Variants in CERS6 observed in about 807,000 individuals in gnomAD.
The protein encoded by CERS6 is LAG1 homolog, ceramide synthase 6.
Under a neutral mutation model 56.8 loss-of-function variants are expected in CERS6, and 26 were observed. The ratio of observed to expected loss-of-function variants is 0.46; its 90% CI spans 0.34 to 0.63. CERS6 has a LOEUF of 0.63. Ranked by LOEUF, CERS6 falls within the 30% of genes least tolerant of loss-of-function variation. The probability of loss-of-function intolerance (pLI) is 0.01; values close to 1 mark genes in which losing one functional copy is unlikely to be tolerated. For synonymous variants in CERS6, 164 were observed against 173.3 expected (o/e 0.95, Z 0.42); for missense variants, 415 against 467.5 (o/e 0.89, Z 1.04).
intron 4 of CERS6, among the ~76,000 whole-genome samples, chr2:168,648,063 T>G (rs1304686826): frequency 6.6e-6 from 1 of 152,134 alleles, no homozygotes; most frequent in Non-Finnish European, 1.5e-5. Context: ...CTCCTCGATT[T>G]TTTGGTATAG....
rs553410990 is a variant in CERS6, at chr2:168,677,052, G to A, written c.466-13982G>A. Among the ~76,000 whole-genome samples, 448 of 149,118 alleles carry A rather than the reference G, an allele frequency of 3.0e-3. 1 individual carries two copies. The highest frequency in any genetic ancestry group is 4.9e-3 in the Non-Finnish European group (330 of 67,516). On this transcript the variant is annotated intron_variant, in intron 4 of 9. Transcript: ENST00000305747. ...TTTTTAATTATACTTTAAGTTCTGG[G>A]ATACATGTGCAGAATGTGCAGGTTC...
intron 1 of CERS6, among the ~76,000 whole-genome samples, chr2:168,466,335 C>T (rs898122319): frequency 1.3e-5 from 2 of 152,126 alleles, no homozygotes; most frequent in African/African-American, 4.8e-5. Context: ...GTACACAATC[C>T]ATTTAAAGCA....
At chr2:168,577,702 G>T (rs750415072) in intron 3 of CERS6, among the ~76,000 whole-genome samples, 9 of 152,138 alleles carry the variant, frequency 5.9e-5, no homozygotes, top group Non-Finnish European at 8.8e-5. Context: ...GTCCAGACAG[G>T]GGCATAGGGA....
At chr2:168,672,985 A>T (rs962344670) in intron 4 of CERS6, among the ~76,000 whole-genome samples, 3 of 152,228 alleles carry the variant, frequency 2.0e-5, no homozygotes, top group Non-Finnish European at 4.4e-5. Context: ...AAATCAGGAG[A>T]TAAACAATAA....
intron 8 of CERS6, among the ~76,000 whole-genome samples, chr2:168,732,679 C>A (rs1683578353): frequency 6.6e-6 from 1 of 152,182 alleles, no homozygotes; most frequent in Non-Finnish European, 1.5e-5. Flanking sequence ...AGGGGACTGG[C>A]CTTTGGGCAA....
In CERS6 at chr2:168,613,696, G is replaced by C. The variant is rs149083213; in HGVS notation, c.408-17289G>C. ...AGTGTTTCCTGCTTGGCAACCTCATGATCTCATGTTCACCCATTGTTTCAT... is the reference window on the plus strand; with the variant it reads ...AGTGTTTCCTGCTTGGCAACCTCATCATCTCATGTTCACCCATTGTTTCAT... On this transcript the variant is annotated intron_variant, in intron 3 of 9. Transcript: ENST00000305747. 4.6e-5 allele frequency among the ~76,000 whole-genome samples: 7 copies of C among 152,254 alleles called. No individual in the cohort carries two copies. The East Asian group carries it at 1.4e-3, about 29-fold the overall frequency.
chr2:168,679,824 T>C (rs1185839393), intron 4 of CERS6, among the ~76,000 whole-genome samples: 4 of 152,196 alleles, frequency 2.6e-5, no homozygotes, highest in Non-Finnish European at 5.9e-5. Flanking sequence ...CAATAAATAT[T>C]AGTTTACTCT....
intron 1 of CERS6, among the ~76,000 whole-genome samples, chr2:168,530,440 A>C (rs1410099614): frequency 6.6e-6 from 1 of 152,238 alleles, no homozygotes; most frequent in African/African-American, 2.4e-5. Context: ...TATAGTGGTA[A>C]TATCTTAAAG....
At chr2:168,736,457 C>T (rs990240362) in intron 8 of CERS6, among the ~76,000 whole-genome samples, 15 of 151,800 alleles carry the variant, frequency 9.9e-5, no homozygotes, top group South Asian at 2.1e-4. Context: ...CTCCCAAGCA[C>T]GGGCACTACA....
At chr2:168,534,484 C>T (rs1331717853) in intron 1 of CERS6, among the ~76,000 whole-genome samples, 1 of 148,854 alleles carries the variant, frequency 6.7e-6, no homozygotes, top group Non-Finnish European at 1.5e-5. Flanking sequence ...GGTCCATTTT[C>T]TGCAGGGCTG....
chr2:168,678,120 G>A (rs1160788401), intron 4 of CERS6, among the ~76,000 whole-genome samples: 1 of 152,198 alleles, frequency 6.6e-6, no homozygotes, highest in Non-Finnish European at 1.5e-5. Flanking sequence ...TTCAACCATT[G>A]TGGAAGTCAG....
rs60540336 is a variant in CERS6, at chr2:168,645,064, C to T, written c.465+14022C>T. On this transcript the variant is annotated intron_variant, in intron 4 of 9. Coordinates refer to ENST00000305747, the MANE Select transcript of CERS6 (RefSeq NM_203463.3). ...CGAGATCACACCACTGCACTCCAGC[C>T]TGGGTGACAGAGCGAGACTGCATCT... Among the ~76,000 whole-genome samples, 1,006 of 124,584 alleles carry T rather than the reference C, an allele frequency of 8.1e-3. 23 individuals are homozygous for T. The highest frequency in any genetic ancestry group is 0.029 in the African/African-American group (947 of 32,508). 81.7% of individuals were successfully genotyped at this position (124,584 alleles called of 152,430 possible).
At chr2:168,613,976 C>G (rs898712137) in intron 3 of CERS6, among the ~76,000 whole-genome samples, 8 of 152,178 alleles carry the variant, frequency 5.3e-5, no homozygotes, top group Non-Finnish European at 7.3e-5. Context: ...CTAAGAACTT[C>G]ATTGTGTGCA....
Position 168,773,513 on chromosome 2 carries a change from G to A in CERS6, c.*3851G>A, listed in dbSNP as rs1002640183. ...ATTTAAATAAGAAAAAAATCAAATC[G>A]AAGTCAGCCTGCTGGAAAAGTGATC... is the stretch of plus-strand genomic sequence containing the variant. On this transcript the variant is annotated 3_prime_UTR_variant, in exon 10 of 10. Transcript: ENST00000305747. 2 of 152,008 alleles carry A rather than the reference G, an allele frequency of 1.3e-5. No individual in the cohort carries two copies. The highest frequency in any genetic ancestry group is 1.5e-5 in the Non-Finnish European group (1 of 68,020). 9.4% of individuals were successfully genotyped at this position (152,008 alleles called of 1,614,324 possible). A position where few individuals can be genotyped will look rare whatever the true frequency, so the allele number is the denominator to read the frequency against.
intron 1 of CERS6, among the ~76,000 whole-genome samples, chr2:168,485,671 C>T (rs561588768): frequency 6.6e-6 from 1 of 152,204 alleles, no homozygotes; most frequent in African/African-American, 2.4e-5. Context: ...GTTTTTTCAT[C>T]CATTGATAAT....
At chr2:168,604,805 G>A (rs1014148880) in intron 3 of CERS6, among the ~76,000 whole-genome samples, 1 of 152,144 alleles carries the variant, frequency 6.6e-6, no homozygotes, top group Non-Finnish European at 1.5e-5. Flanking sequence ...CAGCCACTGT[G>A]CTTCCTGTAC....
At chr2:168,635,259 G>A (rs1405558674) in intron 4 of CERS6, among the ~76,000 whole-genome samples, 1 of 152,168 alleles carries the variant, frequency 6.6e-6, no homozygotes, top group South Asian at 2.1e-4. Flanking sequence ...CTGACAAGGG[G>A]ACACTGACCA....
chr2:168,651,589 T>G (rs1374861560), intron 4 of CERS6, among the ~76,000 whole-genome samples: 1 of 152,086 alleles, frequency 6.6e-6, no homozygotes, highest in Non-Finnish European at 1.5e-5. Flanking sequence ...AAAGGAGAAG[T>G]AAGGCACATT....
At chr2:168,692,796 G>A (rs1280198446) in intron 5 of CERS6, among the ~76,000 whole-genome samples, 3 of 152,114 alleles carry the variant, frequency 2.0e-5, no homozygotes, top group South Asian at 2.1e-4. Context: ...TAATTATTAT[G>A]TATGCAATTA....
Sources: allele counts gnomAD v4.1 joint callset (sites outside exome capture counted in the v4.1 genomes callset), GRCh38; gene constraint gnomAD v4.1.1; transcripts MANE v1.5; gene names NCBI Gene and HGNC (gene_info 2026-07-23, HGNC 2026-07-21).